APOBEC3G: variants seen among roughly 807,000 people sequenced by gnomAD.
APOBEC3G encodes the protein apolipoprotein B mRNA editing enzyme catalytic subunit 3G, also known as DNA dC->dU-editing enzyme APOBEC-3G.
APOBEC3G carries 44 observed loss-of-function variants against 50.0 expected under a neutral mutation model. The ratio of observed to expected loss-of-function variants is 0.88; its 90% CI spans 0.69 to 1.13. The LOEUF (loss-of-function observed/expected upper bound fraction) is 1.13, where lower values mean the gene tolerates loss of function less well. Ranked by LOEUF, APOBEC3G falls within the 50% of genes most tolerant of loss-of-function variation. The pLI, the probability that APOBEC3G is intolerant of heterozygous loss-of-function variation, is 0.00. For synonymous variants in APOBEC3G, 156 were observed against 175.3 expected, an observed-to-expected ratio of 0.89 and a Z score of 0.87; for missense variants, 469 against 492.0, an observed-to-expected ratio of 0.95 and a Z score of 0.44.
chr22:39,078,039 C>T (rs192671572), intron 1 of APOBEC3G, among the ~76,000 whole-genome samples: 3 of 152,168 alleles, frequency 2.0e-5, no homozygotes, highest in South Asian at 2.1e-4. Flanking sequence ...GTGGGCGGAT[C>T]GCCTGCGGTC....
intron 2 of APOBEC3G, chr22:39,079,689 T>C (rs1928344067): frequency 2.0e-5 from 3 of 152,258 alleles, no homozygotes; most frequent in Admixed American, 1.3e-4. Context: ...CATAAAATTC[T>C]TGACAAGATA....
intron 5 of APOBEC3G, 90 bp downstream of exon 5, chr22:39,083,974 C>T: frequency 1.4e-6 from 2 of 1,468,034 alleles, no homozygotes; most frequent in Non-Finnish European, 1.8e-6. Flanking sequence ...CCTGTGGTGT[C>T]CTGCAGAGTG....
At position 39,086,295 on chromosome 22, in the gene APOBEC3G, G is replaced by A; in HGVS notation, c.752G>A (p.Gly251Asp). The change falls in exon 6 of 8, where the codon GGT becomes GAT. Residue 251 changes from glycine to aspartate, a missense_variant. By Grantham distance (94) the Gly-to-Asp change is moderately conservative (BLOSUM62 -1). Coordinates refer to ENST00000407997, the MANE Select transcript of APOBEC3G (RefSeq NM_021822.4). ...FLCNQAPHKH[G>D]FLEGRHAELC... ...CTTTTCTAGGCTCCACATAAACACG[G>A]TTTCCTTGAAGGCCGCCATGCAGAG... is the stretch of plus-strand genomic sequence containing the variant. 6.3e-7 allele frequency: 1 copy of A among 1,585,914 alleles called. No individual in the cohort carries two copies. The highest frequency in any genetic ancestry group is 8.6e-7 in the Non-Finnish European group (1 of 1,164,800).
Position 39,078,934 on chromosome 22 carries a change from A to C in APOBEC3G, c.20A>C (p.Asn7Thr). 1 of 1,613,728 alleles carries C rather than the reference A, an allele frequency of 6.2e-7. No individual in the cohort carries two copies. Among genetic ancestry groups the C allele is most frequent in the South Asian group, 1.1e-5 (1 of 91,056 alleles). Residue 7 changes from asparagine (N) to threonine (T), a missense_variant and splice_region_variant, in exon 2 of 8, where the codon AAC becomes ACC. Asn to Thr is a moderately conservative substitution (Grantham distance 65, BLOSUM62 0). Coordinates refer to ENST00000407997, the MANE Select transcript of APOBEC3G (RefSeq NM_021822.4). ...TGGTTTCTCTCTTGTGTCTTCAGAA[A>C]CACAGTGGAGCGAATGTATCGAGAC... is the stretch of plus-strand genomic sequence containing the variant. Reference protein sequence around the residue: MKPHFRNTVERMYRDTF... With the variant: MKPHFRTTVERMYRDTF...
intron 5 of APOBEC3G, 109 bp from the exon 6 acceptor site, chr22:39,086,170 G>C (rs1176845865): frequency 8.1e-7 from 1 of 1,240,062 alleles, no homozygotes; most frequent in Non-Finnish European, 1.1e-6. Flanking sequence ...CTGGTGTGGT[G>C]GTGCATGCCT....
At position 39,078,791 on chromosome 22, in the gene APOBEC3G, C is replaced by T. The variant is rs558290220; in HGVS notation, c.18-141C>T. On this transcript the variant is annotated intron_variant, in intron 1 of 7. Coordinates refer to ENST00000407997, the MANE Select transcript of APOBEC3G (RefSeq NM_021822.4). ...GTAGTGGCGCGATCTTGGCTCACTACAGTCTCCGCCGAAATTCTCAGGGGA... is the reference window on the plus strand; with the variant it reads ...GTAGTGGCGCGATCTTGGCTCACTATAGTCTCCGCCGAAATTCTCAGGGGA... The T allele has an allele frequency of 2.8e-4, 345 of 1,247,022 alleles. 3 individuals are homozygous for T. In the East Asian group the frequency reaches 8.2e-3, roughly 30 times the overall value. 77.2% of individuals were successfully genotyped at this position (1,247,022 alleles called of 1,614,324 possible). A position where few individuals can be genotyped will look rare whatever the true frequency, so the allele number is the denominator to read the frequency against.
intron 7 of APOBEC3G, 106 bp downstream of exon 7, chr22:39,087,232 C>A: frequency 6.2e-7 from 1 of 1,601,924 alleles, no homozygotes; most frequent in Non-Finnish European, 8.5e-7. Context: ...GGGTTCCCTG[C>A]TCCCCCAGGG....
chr22:39,086,550 CA>C lies in APOBEC3G; in HGVS notation c.1009del (p.Ile337Ter). The part of the protein sequence containing the change: ...RTLAEAGAKI[S>X]IMTYSEFKHC... Reference sequence around the variant, plus strand: ...CTGGCCGAGGCTGGGGCCAAAATTTCAATAATGACATACAGTGGTGAGAATG... The same window carrying C: ...CTGGCCGAGGCTGGGGCCAAAATTTCATAATGACATACAGTGGTGAGAATG... On this transcript the variant is annotated frameshift_variant, in exon 6 of 8. Transcript: ENST00000407997. LOFTEE classifies it high-confidence loss of function. 6.2e-7 allele frequency: 1 copy of C among 1,607,024 alleles called. No individual in the cohort carries two copies. Among genetic ancestry groups the C allele is most frequent in the Non-Finnish European group, 8.5e-7 (1 of 1,175,734 alleles).
intron 5 of APOBEC3G, among the ~76,000 whole-genome samples, chr22:39,085,042 C>A (rs1044001494): frequency 6.6e-6 from 1 of 152,178 alleles, no homozygotes. Flanking sequence ...GGATGGGACT[C>A]CCCCAGGAAT....
At position 39,081,426 on chromosome 22, in the gene APOBEC3G, G is replaced by T. The variant is rs1198049636; in HGVS notation, c.467-45G>T. 7 of 1,596,016 alleles carry T rather than the reference G, an allele frequency of 4.4e-6. No individual in the cohort carries two copies. In the African/African-American group the frequency reaches 6.7e-5, roughly 15 times the overall value. On this transcript the variant is annotated intron_variant, in intron 3 of 7. Coordinates refer to ENST00000407997, the MANE Select transcript of APOBEC3G (RefSeq NM_021822.4). ...AGGGGAGGGTCCCGAGGTCACAGAAGAGAGGCCAGCTGGGCTTGACTGCGT... is the reference window on the plus strand; with the variant it reads ...AGGGGAGGGTCCCGAGGTCACAGAATAGAGGCCAGCTGGGCTTGACTGCGT...
At position 39,080,919 on chromosome 22, in the gene APOBEC3G, T is replaced by G; in HGVS notation, c.172-14T>G. 1 of 1,395,638 alleles carries G rather than the reference T, an allele frequency of 7.2e-7. No homozygotes were observed. The allele number at this position is 1,395,638 out of a possible 1,614,324, so 86.5% of individuals were successfully genotyped here. A position where few individuals can be genotyped will look rare whatever the true frequency, so the allele number is the denominator to read the frequency against. Reference sequence around the variant, plus strand: ...CCCCTCTCAGAGCTTGCCCTGACCCTGCTCCTCTCCCAGGTGTATTCCGAA... The same window carrying G: ...CCCCTCTCAGAGCTTGCCCTGACCCGGCTCCTCTCCCAGGTGTATTCCGAA... On this transcript the variant is annotated splice_polypyrimidine_tract_variant and intron_variant, in intron 2 of 7. Coordinates refer to ENST00000407997, the MANE Select transcript of APOBEC3G (RefSeq NM_021822.4).
chr22:39,081,099 AG>A lies in APOBEC3G; in HGVS notation c.340del (p.Val114LeufsTer3). On this transcript the variant is annotated frameshift_variant, in exon 3 of 8. Coordinates refer to ENST00000407997, the MANE Select transcript of APOBEC3G (RefSeq NM_021822.4). LOFTEE classifies it high-confidence loss of function. The stretch of plus-strand genomic sequence containing the variant: ...GCCACGTTCCTGGCCGAGGACCCGA[AG>A]GTTACCCTGACCATCTTTGTTGCCC... ...DMATFLAEDP[K>X]VTLTIFVARL... 6.2e-7 allele frequency: 1 copy of A among 1,614,202 alleles called. No individual in the cohort carries two copies. Among genetic ancestry groups the A allele is most frequent in the Non-Finnish European group, 8.5e-7 (1 of 1,180,034 alleles).
At chr22:39,087,233 T>A (rs1928737785) in intron 7 of APOBEC3G, 107 bp downstream of exon 7, 9 of 1,600,758 alleles carry the variant, frequency 5.6e-6, no homozygotes, top group Non-Finnish European at 7.7e-6. Context: ...GGTTCCCTGC[T>A]CCCCCAGGGC....
chr22:39,081,681 G>A (rs1928467215), intron 4 of APOBEC3G, 96 bp downstream of exon 4: 8 of 1,011,020 alleles, frequency 7.9e-6, no homozygotes, highest in East Asian at 2.4e-5. Flanking sequence ...TCCTCTCCTG[G>A]CCAGGCCCTC....
In APOBEC3G at chr22:39,077,394, C is replaced by G. The variant is rs1425209152; in HGVS notation, c.17+16C>G. 5.7e-6 allele frequency: 9 copies of G among 1,580,534 alleles called. No individual in the cohort carries two copies. The highest frequency in any genetic ancestry group is 7.7e-6 in the Non-Finnish European group (9 of 1,162,864). On this transcript the variant is annotated intron_variant, in intron 1 of 7. Coordinates refer to ENST00000407997, the MANE Select transcript of APOBEC3G (RefSeq NM_021822.4). ...CTCACTTCAGGTACCGCTGCCCGCT[C>G]TACCCACTGGGCCCCTCTGCTGCCC...
Position 39,087,493 on chromosome 22 carries a change from A to C in APOBEC3G, c.*72A>C. ...TCAGAATAAAAGATCTTCTTCCAAG[A>C]AATGCAAACAGGCTGTTCACCACCA... On this transcript the variant is annotated 3_prime_UTR_variant, in exon 8 of 8. Transcript: ENST00000407997. 1 of 1,613,078 alleles carries C rather than the reference A, an allele frequency of 6.2e-7. No individual in the cohort carries two copies. The highest frequency in any genetic ancestry group is 1.1e-5 in the South Asian group (1 of 91,070).
At chr22:39,081,286 C>G in intron 3 of APOBEC3G, 59 bp downstream of exon 3, 2 of 1,584,048 alleles carry the variant, frequency 1.3e-6, no homozygotes, top group Non-Finnish European at 1.7e-6. Flanking sequence ...GTGATGGGTC[C>G]TTCCCACACA....
chr22:39,087,427 G>A lies in APOBEC3G; in HGVS notation c.*6G>A, dbSNP rs112802713. The A allele has an allele frequency of 1.4e-3, 2,277 of 1,613,930 alleles. 30 individuals carry two copies. In the African/African-American group the frequency reaches 0.023, roughly 16 times the overall value. ...TCCAGAATCAGGAAAACTGAAGGAT[G>A]GGCCTCAGTCTCTAAGGAAGGCAGA... On this transcript the variant is annotated 3_prime_UTR_variant, in exon 8 of 8. Transcript: ENST00000407997.
rs145999650 is a variant in APOBEC3G at position 39,078,296 on chromosome 22, G to T, written c.18-636G>T. Reference sequence around the variant, plus strand: ...AAACAAAAACAAAAGAAAAAACATGGAATATATGGGAAAAAAACTCAATGA... The same window carrying T: ...AAACAAAAACAAAAGAAAAAACATGTAATATATGGGAAAAAAACTCAATGA... On this transcript the variant is annotated intron_variant, in intron 1 of 7. Transcript: ENST00000407997. Among the ~76,000 whole-genome samples, 27 of 152,200 alleles carry T rather than the reference G, an allele frequency of 1.8e-4. No individual in the cohort carries two copies. In the East Asian group the frequency reaches 4.8e-3, roughly 27 times the overall value.
Sources: gnomAD v4.1 joint callset for allele counts (sites outside exome capture counted in the v4.1 genomes callset) on GRCh38, gnomAD v4.1.1 for gene constraint, MANE v1.5 for transcripts, NCBI Gene and HGNC (gene_info 2026-07-23, HGNC 2026-07-21) for gene names.